The following HHATL variants were observed in gnomAD, a reference collection of about 807,000 sequenced individuals.
HHATL encodes the protein hedgehog acyltransferase like.
A neutral mutation model predicts 59.7 loss-of-function variants in HHATL; 49 were observed. The ratio of observed to expected loss-of-function variants is 0.82; its 90% CI spans 0.65 to 1.04. The LOEUF (loss-of-function observed/expected upper bound fraction) is 1.04. Among genes scored for constraint, HHATL ranks in the 50% least tolerant of loss-of-function variants. The pLI, the probability that HHATL is intolerant of heterozygous loss-of-function variation, is 0.00. For missense variants in HHATL, 605 were observed against 650.8 expected, an observed-to-expected ratio of 0.93 and a Z score of 0.77; for synonymous variants, 238 against 257.3, an observed-to-expected ratio of 0.93 and a Z score of 0.72.
In HHATL at chr3:42,696,278, C is replaced by A. The variant is rs935964327; in HGVS notation, c.1046+564G>T. Among the ~76,000 whole-genome samples, 7 of 152,096 alleles carry A rather than the reference C, an allele frequency of 4.6e-5. No individual in the cohort carries two copies. In the South Asian group the frequency reaches 1.4e-3, roughly 32 times the overall value. ...GCTCCTTTTCCTTCCAAGCAGAGCTCTTGCAGGCTGAATCTCGGCCATCCC... is the reference window on the plus strand; with the variant it reads ...GCTCCTTTTCCTTCCAAGCAGAGCTATTGCAGGCTGAATCTCGGCCATCCC... On this transcript the variant is annotated intron_variant, in intron 9 of 11. Coordinates refer to ENST00000441594, the MANE Select transcript of HHATL (RefSeq NM_020707.4).
At chr3:42,696,160 A>G (rs1697601666) in intron 9 of HHATL, among the ~76,000 whole-genome samples, 1 of 152,120 alleles carries the variant, frequency 6.6e-6, no homozygotes, top group African/African-American at 2.4e-5. Flanking sequence ...TGTCCCCACC[A>G]TGCCTGGATG....
chr3:42,693,386 C>T, intron 10 of HHATL, 168 bp from the exon 11 acceptor site: 1 of 903,666 alleles, frequency 1.1e-6, no homozygotes, highest in East Asian at 2.6e-5. Flanking sequence ...GAAACAGGTC[C>T]AGAGAGAGGA....
intron 10 of HHATL, 62 bp downstream of exon 10, chr3:42,693,555 C>A: frequency 7.1e-7 from 1 of 1,412,536 alleles, no homozygotes. Flanking sequence ...CTCCAGAAAG[C>A]AGCAGTGCCC....
In HHATL at chr3:42,693,196, G is replaced by C. The variant is rs372425768; in HGVS notation, c.1271C>G (p.Ser424Cys). 6.2e-7 allele frequency: 1 copy of C among 1,614,056 alleles called. No homozygotes were observed. The highest frequency in any genetic ancestry group is 2.2e-5 in the East Asian group (1 of 44,896). ...RIEASLSVQM[S>C]RRVRALFGAM... ...TCCAAACAGGGCCCGGACCCTACGG[G>C]ACATCTGCACTGACAGAGAGGCCTA... Residue 424 changes from serine to cysteine, a missense_variant, in exon 11 of 12, where the codon TCC (serine) becomes TGC (cysteine). Coordinates refer to ENST00000441594, the MANE Select transcript of HHATL (RefSeq NM_020707.4).
At chr3:42,693,546 T>A (rs1333112815) in intron 10 of HHATL, 71 bp downstream of exon 10, 1 of 1,347,198 alleles carries the variant, frequency 7.4e-7, no homozygotes, top group African/African-American at 1.5e-5. Context: ...TTTGGACAAC[T>A]CCAGAAAGCA....
chr3:42,697,719 T>A, intron 6 of HHATL, 40 bp from the exon 7 acceptor site: 1 of 1,591,536 alleles, frequency 6.3e-7, no homozygotes, highest in Non-Finnish European at 8.6e-7. Flanking sequence ...AGGCAAGCCC[T>A]GCCTGGGGAG....
intron 9 of HHATL, among the ~76,000 whole-genome samples, chr3:42,695,583 T>C (rs940536015): frequency 2.6e-5 from 4 of 152,086 alleles, no homozygotes; most frequent in African/African-American, 9.7e-5. Flanking sequence ...CAAGTATGAG[T>C]GGAGAGATAG....
intron 5 of HHATL, 125 bp downstream of exon 5, chr3:42,698,583 A>G: frequency 8.1e-7 from 1 of 1,234,364 alleles, no homozygotes; most frequent in East Asian, 2.3e-5. Flanking sequence ...GGACATACCC[A>G]AAGGCTTGAA....
rs761778462 is a variant in HHATL at position 42,697,567 on chromosome 3, TAGA to T, written c.803_805del (p.Phe268del). 1.6e-5 allele frequency: 26 copies of T among 1,613,898 alleles called. No homozygotes were observed. The highest frequency in any genetic ancestry group is 1.6e-4 in the Middle Eastern group (1 of 6,082). On this transcript the variant is annotated inframe_deletion, in exon 7 of 12. Transcript: ENST00000441594. ...GAGGTCGCTGGGGATAGTGAGGATGTAGAAGAAGTGAAAGAAGATGTCGACGGC... is the reference window on the plus strand; with the variant it reads ...GAGGTCGCTGGGGATAGTGAGGATGTAGAAGTGAAAGAAGATGTCGACGGC...
chr3:42,699,873 C>T (rs1156295569), intron 2 of HHATL, 48 bp from the exon 3 acceptor site: 4 of 1,461,632 alleles, frequency 2.7e-6, no homozygotes, highest in African/African-American at 1.4e-5. Context: ...ACATCCCCTG[C>T]CCCACCTTCC....
Position 42,697,007 on chromosome 3 carries a change from G to T in HHATL, c.1004C>A (p.Ala335Glu). 6.2e-7 allele frequency: 1 copy of T among 1,607,654 alleles called. No homozygotes were observed. Among genetic ancestry groups the T allele is most frequent in the Non-Finnish European group, 8.5e-7 (1 of 1,176,264 alleles). The change falls in exon 8 of 12, where the codon GCG becomes GAG. Residue 335 changes from alanine (A) to glutamate (E), a missense_variant. Physicochemically the swap from Ala to Glu is moderately radical, Grantham distance 107 (BLOSUM62 -1). Transcript: ENST00000441594. Reference sequence around the variant, plus strand: ...CGTCCTGGCCAGCACTCACGTTTCCGCAAAGACGTAGAGTGCGGTGATGCA... The same window carrying T: ...CGTCCTGGCCAGCACTCACGTTTCCTCAAAGACGTAGAGTGCGGTGATGCA... ...PKCITALYVF[A>E]ETHFDRGIND...
At chr3:42,694,929 GTC>G in intron 9 of HHATL, among the ~76,000 whole-genome samples, 2 of 152,214 alleles carry the variant, frequency 1.3e-5, no homozygotes, top group Middle Eastern at 6.8e-3. Flanking sequence ...CCTGTTTATG[GTC>G]TGTTTCTCCC....
intron 10 of HHATL, 136 bp from the exon 11 acceptor site, chr3:42,693,354 C>A: frequency 8.9e-7 from 1 of 1,128,420 alleles, no homozygotes; most frequent in South Asian, 1.5e-5. Flanking sequence ...CAGGTCAGCT[C>A]TCCCTCCTTG....
rs916435919 is a variant in HHATL at position 42,700,920 on chromosome 3, G to A, written c.-13-81C>T. The A allele has an allele frequency of 1.1e-5, 10 of 899,188 alleles. No individual in the cohort carries two copies. In the South Asian group the frequency reaches 1.5e-4, roughly 13 times the overall value. The allele number at this position is 899,188 out of a possible 1,614,324, so 55.7% of individuals were successfully genotyped here. ...CTCATGGTCCCACCACCCCAGTGGG[G>A]ACCCACTCTGAAGAGAGATTGCCCC... On this transcript the variant is annotated intron_variant, in intron 1 of 11. Coordinates refer to ENST00000441594, the MANE Select transcript of HHATL (RefSeq NM_020707.4).
intron 7 of HHATL, 29 bp downstream of exon 7, chr3:42,697,479 C>T (rs1227670053): frequency 2.0e-5 from 32 of 1,603,120 alleles, no homozygotes; most frequent in Non-Finnish European, 2.6e-5. Context: ...GGCGGCAGCC[C>T]TGCCCCCATT....
chr3:42,694,855 T>C (rs1697536987), intron 9 of HHATL, among the ~76,000 whole-genome samples: 1 of 152,188 alleles, frequency 6.6e-6, no homozygotes, highest in African/African-American at 2.4e-5. Context: ...TTCTATCCCA[T>C]TGCAATTTTA....
At position 42,699,784 on chromosome 3, in the gene HHATL, C is replaced by A; in HGVS notation, c.148G>T (p.Gly50Cys). The part of the protein sequence containing the change: ...RKAFRESVRP[G>C]WEYIGRKMDV... Reference sequence around the variant, plus strand: ...ATCTTCCGGCCAATGTACTCCCAGCCAGGTCGCACAGACTCCCGGAAGGCC... The same window carrying A: ...ATCTTCCGGCCAATGTACTCCCAGCAAGGTCGCACAGACTCCCGGAAGGCC... Residue 50 changes from glycine (G) to cysteine (C), a missense_variant, in exon 3 of 12, where the codon GGC becomes TGC. By Grantham distance (159) the Gly-to-Cys change is radical. Coordinates refer to ENST00000441594, the MANE Select transcript of HHATL (RefSeq NM_020707.4). 6.3e-7 allele frequency: 1 copy of A among 1,579,324 alleles called. No homozygotes were observed. Among genetic ancestry groups the A allele is most frequent in the African/African-American group, 1.3e-5 (1 of 74,238 alleles).
In HHATL at chr3:42,696,741, G is replaced by C. The variant is rs1048717367; in HGVS notation, c.1046+101C>G. 6 of 1,308,022 alleles carry C rather than the reference G, an allele frequency of 4.6e-6. No homozygotes were observed. In the Admixed American group the frequency reaches 5.9e-5, roughly 13 times the overall value. 81.0% of individuals were successfully genotyped at this position (1,308,022 alleles called of 1,614,324 possible). A position where few individuals can be genotyped will look rare whatever the true frequency, so the allele number is the denominator to read the frequency against. ...CCTCACTGCCCTCTTTGCTTCCCCT[G>C]GCCCAGGGGTGATCTTTTAAAATGT... On this transcript the variant is annotated intron_variant, in intron 9 of 11. Coordinates refer to ENST00000441594, the MANE Select transcript of HHATL (RefSeq NM_020707.4).
chr3:42,693,554 G>C, intron 10 of HHATL, 63 bp downstream of exon 10: 3 of 1,400,524 alleles, frequency 2.1e-6, no homozygotes, highest in Non-Finnish European at 3.0e-6. Flanking sequence ...ACTCCAGAAA[G>C]CAGCAGTGCC....
Sources: gnomAD v4.1 joint callset for allele counts (sites outside exome capture counted in the v4.1 genomes callset) on GRCh38, gnomAD v4.1.1 for gene constraint, MANE v1.5 for transcripts, NCBI Gene and HGNC (gene_info 2026-07-23, HGNC 2026-07-21) for gene names.